The following NUP107 variants were observed in gnomAD, a reference collection of about 807,000 sequenced individuals.
NUP107 encodes nuclear pore complex protein Nup107.
Under a neutral mutation model 141.0 loss-of-function variants are expected in NUP107, and 101 were observed. The ratio of observed to expected loss-of-function variants is 0.72; its 90% CI spans 0.61 to 0.84. The LOEUF (loss-of-function observed/expected upper bound fraction) is 0.84, where lower values mean the gene tolerates loss of function less well. Among genes scored for constraint, NUP107 ranks in the 40% least tolerant of loss-of-function variants. The pLI, the probability that NUP107 is intolerant of heterozygous loss-of-function variation, is 0.00. For synonymous variants in NUP107, 319 were observed against 363.9 expected (o/e 0.88, Z 1.41); for missense variants, 941 against 1,102.7 (o/e 0.85, Z 2.08).
At chr12:68,731,468 A>G (rs1877824450) in intron 21 of NUP107, 139 bp from the exon 22 acceptor site, 1 of 626,710 alleles carries the variant, frequency 1.6e-6, no homozygotes, top group South Asian at 3.4e-5. Flanking sequence ...ATTTTCTTTT[A>G]TATAAATATC....
intron 26 of NUP107, among the ~76,000 whole-genome samples, chr12:68,741,261 T>G (rs1010071492): frequency 2.6e-5 from 4 of 152,174 alleles, no homozygotes; most frequent in Admixed American, 6.5e-5. Context: ...CTTGTTTTCC[T>G]TATATATCTG....
At chr12:68,688,667 A>G (rs1373435978) in intron 1 of NUP107, among the ~76,000 whole-genome samples, 1 of 152,224 alleles carries the variant, frequency 6.6e-6, no homozygotes, top group Non-Finnish European at 1.5e-5. Flanking sequence ...GCAATTATCT[A>G]AAACAGTGTT....
rs775566595 is a variant in NUP107 at position 68,728,421 on chromosome 12, C to CTT, written c.1734+1051_1734+1052dup. On this transcript the variant is annotated intron_variant, in intron 20 of 27. Transcript: ENST00000229179. ...AGCCTGGGAAACAGCGAAAACCTGT[C>CTT]TTTTTTTTTTTTTTTTTTTTGAGAC... 6.7e-3 allele frequency among the ~76,000 whole-genome samples: 758 copies of CTT among 112,450 alleles called. 24 individuals carry two copies. Among genetic ancestry groups the CTT allele is most frequent in the South Asian group, 0.018 (59 of 3,218 alleles). The allele number at this position is 112,450 out of a possible 152,430, so 73.8% of individuals were successfully genotyped here.
In NUP107 at chr12:68,696,800, T is replaced by C. The variant is rs1876082111; in HGVS notation, c.449-19T>C. 15 of 1,380,866 alleles carry C rather than the reference T, an allele frequency of 1.1e-5. 1 individual carries two copies. The highest frequency in any genetic ancestry group is 1.5e-5 in the Non-Finnish European group (15 of 1,010,222). The allele number at this position is 1,380,866 out of a possible 1,614,324, so 85.5% of individuals were successfully genotyped here. A position where few individuals can be genotyped will look rare whatever the true frequency, so the allele number is the denominator to read the frequency against. On this transcript the variant is annotated intron_variant, in intron 5 of 27. Coordinates refer to ENST00000229179, the MANE Select transcript of NUP107 (RefSeq NM_020401.4). ...CTTAACTTTTCTTTATTCCTTTTTTTTTTTTTGATGTGTTCTAGCATCCAT... is the reference window on the plus strand; with the variant it reads ...CTTAACTTTTCTTTATTCCTTTTTTCTTTTTTGATGTGTTCTAGCATCCAT...
rs550966629 is a variant in NUP107, at chr12:68,714,897, A to C, written c.970-730A>C. On this transcript the variant is annotated intron_variant, in intron 11 of 27. Coordinates refer to ENST00000229179, the MANE Select transcript of NUP107 (RefSeq NM_020401.4). ...GCCCTCTTCCCATATGTTCTCAAAA[A>C]GTACCAGGTAAGCACTTTGTAGTCA... 2.0e-5 allele frequency among the ~76,000 whole-genome samples: 3 copies of C among 152,374 alleles called. No homozygotes were observed. In the East Asian group the frequency reaches 5.8e-4, roughly 29 times the overall value.
At chr12:68,687,410 C>CAGT in intron 1 of NUP107, 2 of 1,086,660 alleles carry the variant, frequency 1.8e-6, no homozygotes, top group Non-Finnish European at 2.3e-6. Flanking sequence ...ATCACAAAGC[C>CAGT]AGTCAGTGAA....
intron 4 of NUP107, among the ~76,000 whole-genome samples, chr12:68,691,454 A>G (rs1480375609): frequency 6.6e-6 from 1 of 152,254 alleles, no homozygotes; most frequent in Non-Finnish European, 1.5e-5. Flanking sequence ...GATACTCTTT[A>G]GGAATCACTA....
At chr12:68,726,740 C>A in intron 19 of NUP107, 123 bp downstream of exon 19, 1 of 700,630 alleles carries the variant, frequency 1.4e-6, no homozygotes, top group Non-Finnish European at 2.5e-6. Flanking sequence ...AAAAGTCTTC[C>A]ATATAGTCTT....
intron 8 of NUP107, chr12:68,706,364 G>A (rs1251796412): frequency 3.6e-6 from 5 of 1,377,818 alleles, no homozygotes; most frequent in East Asian, 4.6e-5. Flanking sequence ...GGACACATCT[G>A]TGGTGCTGTC....
intron 11 of NUP107, chr12:68,714,412 C>G (rs1013790584): frequency 2.6e-5 from 4 of 152,160 alleles, no homozygotes; most frequent in African/African-American, 9.7e-5. Context: ...TTGATTATAG[C>G]TAAATTACAT....
At chr12:68,728,374 T>C (rs1877658829) in intron 20 of NUP107, among the ~76,000 whole-genome samples, 1 of 150,528 alleles carries the variant, frequency 6.6e-6, no homozygotes, top group South Asian at 2.1e-4. Context: ...GGTGGATCGC[T>C]TGAGCCCAGG....
intron 10 of NUP107, among the ~76,000 whole-genome samples, chr12:68,712,997 T>G (rs557155696): frequency 1.3e-5 from 2 of 152,230 alleles, no homozygotes; most frequent in African/African-American, 4.8e-5. Context: ...TGAGAATAGA[T>G]AGATGTATCT....
At chr12:68,732,476 A>G in intron 22 of NUP107, 161 bp from the exon 23 acceptor site, 2 of 499,904 alleles carry the variant, frequency 4.0e-6, no homozygotes, top group Admixed American at 3.3e-5. Context: ...AAATATGAAA[A>G]TACACTAAGG....
At chr12:68,727,313 G>A (rs749652963) in intron 19 of NUP107, 38 bp from the exon 20 acceptor site, 1 of 1,068,208 alleles carries the variant, frequency 9.4e-7, no homozygotes, top group Non-Finnish European at 1.4e-6. Context: ...TTTCATATAA[G>A]CAGTGTATTT....
Position 68,702,091 on chromosome 12 carries a change from C to T in NUP107, c.681-645C>T, listed in dbSNP as rs558083115. Among the ~76,000 whole-genome samples, 10 of 152,186 alleles carry T rather than the reference C, an allele frequency of 6.6e-5. No individual in the cohort carries two copies. In the East Asian group the frequency reaches 1.4e-3, roughly 21 times the overall value. ...GCAACCTCCGCCTCCCAGGTTTAAG[C>T]GATTCTCCTGTCTCAGCCTCCCGAG... is the stretch of plus-strand genomic sequence containing the variant. On this transcript the variant is annotated intron_variant, in intron 7 of 27. Transcript: ENST00000229179.
Position 68,692,094 on chromosome 12 carries a change from GA to G in NUP107, c.431del (p.Asp144ValfsTer9), listed in dbSNP as rs779366995. 2.5e-6 allele frequency: 4 copies of G among 1,597,646 alleles called. No individual in the cohort carries two copies. The East Asian group carries it at 9.0e-5, about 36-fold the overall frequency. ...TATCAGTGCTGTTATGTTACGTGAG[GA>G]TGATCCTGGAGAAGCTGGTAAAATG... ...VTISAVMLRE[D>X]DPGEAASMSM... On this transcript the variant is annotated frameshift_variant, in exon 5 of 28. Transcript: ENST00000229179. LOFTEE classifies it high-confidence loss of function.
chr12:68,696,781 TTTTC>T, intron 5 of NUP107, 34 bp from the exon 6 acceptor site: 1 of 1,182,840 alleles, frequency 8.5e-7, no homozygotes, highest in East Asian at 2.4e-5. Context: ...GTCACTTAAC[TTTTC>T]TTTATTCCTT....
chr12:68,721,834 GA>G lies in NUP107; in HGVS notation c.1312-2del. 1 of 1,610,038 alleles carries G rather than the reference GA, an allele frequency of 6.2e-7. No individual in the cohort carries two copies. Among genetic ancestry groups the G allele is most frequent in the Non-Finnish European group, 8.5e-7 (1 of 1,178,934 alleles). On this transcript the variant is annotated splice_polypyrimidine_tract_variant and splice_region_variant and intron_variant, in intron 15 of 27. Coordinates refer to ENST00000229179, the MANE Select transcript of NUP107 (RefSeq NM_020401.4). Reference sequence around the variant, plus strand: ...CTATATGTTTCTGTTTTGTAATGGGGAAAAAGCTGCTTCCTGTCTGTGACAC... The same window carrying G: ...CTATATGTTTCTGTTTTGTAATGGGGAAAAGCTGCTTCCTGTCTGTGACAC...
chr12:68,744,201 G>C lies in NUP107; in HGVS notation c.*1739G>C, dbSNP rs916861178. 6.6e-6 allele frequency: 1 copy of C among 152,042 alleles called. No homozygotes were observed. The highest frequency in any genetic ancestry group is 1.5e-5 in the Non-Finnish European group (1 of 68,014). The allele number at this position is 152,042 out of a possible 1,614,324, so 9.4% of individuals were successfully genotyped here. On this transcript the variant is annotated 3_prime_UTR_variant, in exon 28 of 28. Coordinates refer to ENST00000229179, the MANE Select transcript of NUP107 (RefSeq NM_020401.4). ...GTATGTGGGTAAATGGACAAGGTCT[G>C]TCATCTATTTAGGAACTTGTTTTGC...
Sources: allele counts gnomAD v4.1 joint callset (sites outside exome capture counted in the v4.1 genomes callset), GRCh38; gene constraint gnomAD v4.1.1; transcripts MANE v1.5; gene names NCBI Gene and HGNC (gene_info 2026-07-23, HGNC 2026-07-21).